Variants in UNC13B observed in about 807,000 individuals in gnomAD.
The protein encoded by UNC13B is unc-13 homolog B, also known as protein unc-13 homolog B.
Under a neutral mutation model 211.0 loss-of-function variants are expected in UNC13B, and 144 were observed. The ratio of observed to expected loss-of-function variants is 0.68; its 90% CI spans 0.60 to 0.78. The LOEUF (loss-of-function observed/expected upper bound fraction) is 0.78. UNC13B is among the 30% of genes least tolerant of loss of function. The probability of loss-of-function intolerance (pLI) is 0.00; values close to 1 mark genes in which losing one functional copy is unlikely to be tolerated. For missense variants in UNC13B, 1,777 were observed against 2,002.0 expected (o/e 0.89, Z 2.14); for synonymous variants, 709 against 725.8 (o/e 0.98, Z 0.37).
Position 35,385,993 on chromosome 9 carries a change from G to A in UNC13B, c.10966-172G>A, listed in dbSNP as rs117227802. The stretch of plus-strand genomic sequence containing the variant: ...GAGCACATAGACTATGGATCCATGA[G>A]GATGGGGTGGAAGTTTTCCCTGTCA... On this transcript the variant is annotated intron_variant, in intron 23 of 39. Coordinates refer to ENST00000635942, the MANE Select transcript of UNC13B (RefSeq NM_001371189.2). Among the ~76,000 whole-genome samples, 632 of 152,266 alleles carry A rather than the reference G, an allele frequency of 4.2e-3. 6 individuals are homozygous for A. Among genetic ancestry groups the A allele is most frequent in the East Asian group, 0.039 (203 of 5,182 alleles).
intron 30 of UNC13B, 97 bp downstream of exon 30, chr9:35,397,809 C>A: frequency 1.6e-6 from 2 of 1,247,336 alleles, no homozygotes; most frequent in Non-Finnish European, 1.1e-6. Context: ...TGGGGTGACA[C>A]TCCTGATGCC....
At chr9:35,182,960 T>C (rs1822026752) in intron 1 of UNC13B, among the ~76,000 whole-genome samples, 2 of 152,210 alleles carry the variant, frequency 1.3e-5, no homozygotes, top group Non-Finnish European at 2.9e-5. Context: ...ATCGTCATCA[T>C]GGCCCGTTCT....
chr9:35,316,676 T>C (rs1236393990), intron 11 of UNC13B, among the ~76,000 whole-genome samples: 1 of 152,198 alleles, frequency 6.6e-6, no homozygotes, highest in African/African-American at 2.4e-5. Flanking sequence ...TCTCACAATT[T>C]TGCAAGAACG....
At position 35,259,025 on chromosome 9, in the gene UNC13B, A is replaced by G; in HGVS notation, c.501A>G (p.Pro167=). 1 of 1,613,958 alleles carries G rather than the reference A, an allele frequency of 6.2e-7. No homozygotes were observed. The highest frequency in any genetic ancestry group is 1.6e-4 in the Middle Eastern group (1 of 6,062). Residue 167 remains proline (P), a synonymous_variant, in exon 7 of 40, where the codon CCA becomes CCG. Transcript: ENST00000635942. ...GTCAAGAAGAAAGCCAGAGGAAGCC[A>G]TTGCCCACTGCTGCCGCCCAGTGTT... ...YSSQEESQRK[P]LPTAAAQCSF...
At chr9:35,222,632 G>T (rs532487095) in intron 1 of UNC13B, among the ~76,000 whole-genome samples, 1 of 152,246 alleles carries the variant, frequency 6.6e-6, no homozygotes, top group East Asian at 1.9e-4. Context: ...TTCTGTACAT[G>T]CATACAATGT....
At chr9:35,247,300 C>T (rs942991875) in intron 6 of UNC13B, among the ~76,000 whole-genome samples, 6 of 152,224 alleles carry the variant, frequency 3.9e-5, no homozygotes, top group Non-Finnish European at 7.3e-5. Context: ...CATCTGCAAA[C>T]AGGGACAATT....
intron 22 of UNC13B, chr9:35,385,410 A>C (rs540083627): frequency 1.0e-6 from 1 of 985,414 alleles, no homozygotes; most frequent in African/African-American, 1.7e-5. Context: ...TCCAAGAAAA[A>C]AGCATGTGTG....
At chr9:35,308,542 A>G in intron 9 of UNC13B, 130 bp downstream of exon 9, 1 of 396,060 alleles carries the variant, frequency 2.5e-6, no homozygotes, top group Non-Finnish European at 4.4e-6. Flanking sequence ...CCCGAGCTTC[A>G]TGTTAATTAG....
intron 11 of UNC13B, among the ~76,000 whole-genome samples, chr9:35,362,626 A>G (rs1309581490): frequency 2.0e-5 from 3 of 152,092 alleles, no homozygotes; most frequent in Non-Finnish European, 4.4e-5. Flanking sequence ...TGGCTAACAC[A>G]GTGAAACCCT....
intron 6 of UNC13B, among the ~76,000 whole-genome samples, chr9:35,248,927 C>T (rs920814839): frequency 6.6e-6 from 1 of 152,086 alleles, no homozygotes; most frequent in Non-Finnish European, 1.5e-5. Context: ...CTTTCTGTCT[C>T]GTTGAGCTGT....
In UNC13B at chr9:35,381,218, G is replaced by T. The variant is rs371098628; in HGVS notation, c.10491+3G>T. 8.1e-6 allele frequency: 13 copies of T among 1,611,812 alleles called. No homozygotes were observed. Among genetic ancestry groups the T allele is most frequent in the Non-Finnish European group, 1.1e-5 (13 of 1,178,916 alleles). On this transcript the variant is annotated splice_donor_region_variant and intron_variant, in intron 19 of 39. Transcript: ENST00000635942. Reference sequence around the variant, plus strand: ...TGCAGTATACATGTCTCCATGAGGTGAGCCAGCCCTTGGTAGGTGGGGGAT... The same window carrying T: ...TGCAGTATACATGTCTCCATGAGGTTAGCCAGCCCTTGGTAGGTGGGGGAT...
At chr9:35,382,779 G>A (rs979574272) in intron 21 of UNC13B, among the ~76,000 whole-genome samples, 12 of 152,140 alleles carry the variant, frequency 7.9e-5, no homozygotes, top group African/African-American at 2.9e-4. Context: ...GGCCAGGCTG[G>A]TCTGGAACTC....
At chr9:35,291,045 G>C (rs1285679529) in intron 7 of UNC13B, 1 of 1,549,800 alleles carries the variant, frequency 6.5e-7, no homozygotes, top group Non-Finnish European at 8.7e-7. Context: ...AAAATTATCT[G>C]CTGCTTCTTT....
intron 7 of UNC13B, among the ~76,000 whole-genome samples, chr9:35,287,882 T>A (rs1210524182): frequency 2.6e-5 from 4 of 152,062 alleles, no homozygotes; most frequent in Non-Finnish European, 5.9e-5. Flanking sequence ...AGATGTTCCA[T>A]AGATATCTCA....
intron 7 of UNC13B, among the ~76,000 whole-genome samples, chr9:35,276,100 GT>G (rs1012727050): frequency 7.2e-5 from 11 of 151,958 alleles, no homozygotes; most frequent in Non-Finnish European, 1.5e-5. Context: ...GAGCTCAGGA[GT>G]TCGAGACCAG....
chr9:35,228,360 A>G (rs1257319628), intron 2 of UNC13B, among the ~76,000 whole-genome samples: 1 of 151,754 alleles, frequency 6.6e-6, no homozygotes, highest in Admixed American at 6.6e-5. Flanking sequence ...TTTTTACTTT[A>G]AGTTCTAGGG....
intron 1 of UNC13B, among the ~76,000 whole-genome samples, chr9:35,183,539 TGAA>T (rs1822113887): frequency 2.6e-5 from 1 of 38,616 alleles, no homozygotes; most frequent in Admixed American, 3.2e-4. Context: ...ACCTCCCAGA[TGAA>T]GGGCGGCCAG....
At chr9:35,310,805 G>C in intron 10 of UNC13B, 24 bp downstream of exon 10, 1 of 1,598,754 alleles carries the variant, frequency 6.3e-7, no homozygotes, top group Non-Finnish European at 8.5e-7. Context: ...GCCTTGAGGA[G>C]CTCACATGGC....
At chr9:35,386,948 A>G (rs746199975) in intron 24 of UNC13B, among the ~76,000 whole-genome samples, 2 of 152,110 alleles carry the variant, frequency 1.3e-5, no homozygotes, top group Non-Finnish European at 2.9e-5. Flanking sequence ...AGCTCCAATT[A>G]CTCAATTACA....
Sources: allele counts gnomAD v4.1 joint callset (sites outside exome capture counted in the v4.1 genomes callset), GRCh38; gene constraint gnomAD v4.1.1; transcripts MANE v1.5; gene names NCBI Gene and HGNC (gene_info 2026-07-23, HGNC 2026-07-21).